IQGAP2: variants seen among roughly 807,000 people sequenced by gnomAD.
IQGAP2 encodes ras GTPase-activating-like protein IQGAP2.
A neutral mutation model predicts 201.3 loss-of-function variants in IQGAP2; 173 were observed. The ratio of observed to expected loss-of-function variants is 0.86; its 90% CI spans 0.76 to 0.98. The LOEUF is 0.98. Ranked by LOEUF, IQGAP2 falls within the 50% of genes least tolerant of loss-of-function variation. IQGAP2 has a pLI of 0.00. For missense variants in IQGAP2, 1,687 were observed against 1,864.8 expected, an observed-to-expected ratio of 0.90 and a Z score of 1.76; for synonymous variants, 675 against 673.9, an observed-to-expected ratio of 1.00 and a Z score of -0.03.
chr5:76,599,514 G>A (rs1432371402), intron 10 of IQGAP2, among the ~76,000 whole-genome samples: 1 of 151,974 alleles, frequency 6.6e-6, no homozygotes, highest in East Asian at 1.9e-4. Flanking sequence ...AGATAGAGGA[G>A]GTGAATTATA....
At chr5:76,612,203 C>A (rs1006977554) in intron 13 of IQGAP2, among the ~76,000 whole-genome samples, 3 of 152,100 alleles carry the variant, frequency 2.0e-5, no homozygotes, top group African/African-American at 7.2e-5. Context: ...TAAAATGTGA[C>A]CGGGCACAGT....
At chr5:76,610,661 A>T (rs187714870) in intron 12 of IQGAP2, among the ~76,000 whole-genome samples, 16 of 152,096 alleles carry the variant, frequency 1.1e-4, no homozygotes, top group African/African-American at 3.6e-4. Context: ...CCATCTTAAC[A>T]ATACTAAATC....
chr5:76,682,606 A>C (rs1745400159), intron 28 of IQGAP2, among the ~76,000 whole-genome samples: 1 of 152,188 alleles, frequency 6.6e-6, no homozygotes. Context: ...GGATAAGGAA[A>C]GGGGAAACCA....
intron 1 of IQGAP2, among the ~76,000 whole-genome samples, chr5:76,416,687 G>A (rs956656465): frequency 6.6e-6 from 1 of 151,968 alleles, no homozygotes; most frequent in African/African-American, 2.4e-5. Flanking sequence ...GCCACCACGC[G>A]TGGCTAATTT....
chr5:76,629,941 G>GA (rs1750562174), intron 14 of IQGAP2, among the ~76,000 whole-genome samples: 1 of 152,034 alleles, frequency 6.6e-6, no homozygotes, highest in Non-Finnish European at 1.5e-5. Flanking sequence ...CACAGATTAA[G>GA]AAAAAAAGCA....
intron 13 of IQGAP2, among the ~76,000 whole-genome samples, chr5:76,627,111 G>A (rs982657436): frequency 2.0e-5 from 3 of 152,120 alleles, no homozygotes; most frequent in South Asian, 4.2e-4. Flanking sequence ...TGGGCCCTCT[G>A]TAGAGGGCCA....
chr5:76,435,442 T>G (rs1455149550), intron 1 of IQGAP2, among the ~76,000 whole-genome samples: 1 of 152,178 alleles, frequency 6.6e-6, no homozygotes. Context: ...TTCCGATTAT[T>G]AAATAGGGTA....
At chr5:76,564,794 G>A (rs1744627345) in intron 3 of IQGAP2, among the ~76,000 whole-genome samples, 1 of 152,236 alleles carries the variant, frequency 6.6e-6, no homozygotes, top group Admixed American at 6.5e-5. Flanking sequence ...TGCCCCATCA[G>A]ATCCCTGGAA....
At chr5:76,689,474 A>G (rs1345733694) in intron 30 of IQGAP2, among the ~76,000 whole-genome samples, 1 of 152,166 alleles carries the variant, frequency 6.6e-6, no homozygotes, top group Non-Finnish European at 1.5e-5. Flanking sequence ...GCAGTTGTCA[A>G]CCTTTCATTA....
At chr5:76,434,987 A>G (rs1454744971) in intron 1 of IQGAP2, among the ~76,000 whole-genome samples, 1 of 148,494 alleles carries the variant, frequency 6.7e-6, no homozygotes. Flanking sequence ...TTTGTTGGCC[A>G]TTTTTATATT....
At chr5:76,429,829 T>A (rs1183916762) in intron 1 of IQGAP2, among the ~76,000 whole-genome samples, 1 of 148,366 alleles carries the variant, frequency 6.7e-6, no homozygotes, top group Non-Finnish European at 1.5e-5. Flanking sequence ...GGATTTGCAT[T>A]TGTATTCCAG....
rs1359031070 is a variant in IQGAP2, at chr5:76,589,090, G to A, written c.526+117G>A. On this transcript the variant is annotated intron_variant, in intron 6 of 35. Coordinates refer to ENST00000274364, the MANE Select transcript of IQGAP2 (RefSeq NM_006633.5). ...GCACTTTGGGAGGCCGAGGCGGGCG[G>A]ATCACAAGGTCAGGAGATCGAGACC... 5.6e-6 allele frequency: 3 copies of A among 533,178 alleles called. No individual in the cohort carries two copies. The African/African-American group carries it at 6.1e-5, about 11-fold the overall frequency. 33.0% of individuals were successfully genotyped at this position (533,178 alleles called of 1,614,324 possible).
intron 35 of IQGAP2, among the ~76,000 whole-genome samples, chr5:76,703,386 G>A (rs750031782): frequency 2.0e-5 from 3 of 152,032 alleles, no homozygotes; most frequent in Non-Finnish European, 4.4e-5. Context: ...AGACTACTGG[G>A]CTCAAGTGAT....
chr5:76,545,136 G>A (rs1743020939), intron 2 of IQGAP2, among the ~76,000 whole-genome samples: 1 of 152,130 alleles, frequency 6.6e-6, no homozygotes, highest in African/African-American at 2.4e-5. Flanking sequence ...TAACATGGAT[G>A]TGTATACAAT....
rs78690282 is a variant in IQGAP2, at chr5:76,514,911, C to G, written c.147-47485C>G. Among the ~76,000 whole-genome samples the G allele has an allele frequency of 2.2e-3, 330 of 152,256 alleles. 1 individual carries two copies. Among genetic ancestry groups the G allele is most frequent in the African/African-American group, 7.7e-3 (320 of 41,538 alleles). ...CAGTGTGTCTGTGTTCTCAGTCTAT[C>G]CAGAGCTCTGCTATTAGGTGAAATG... On this transcript the variant is annotated intron_variant, in intron 2 of 35. Transcript: ENST00000274364.
intron 1 of IQGAP2, among the ~76,000 whole-genome samples, chr5:76,453,515 G>A (rs957805983): frequency 6.6e-6 from 1 of 152,088 alleles, no homozygotes; most frequent in Non-Finnish European, 1.5e-5. Flanking sequence ...CTGTTCCCTT[G>A]TCTTCTAAAG....
intron 13 of IQGAP2, among the ~76,000 whole-genome samples, chr5:76,611,785 G>A (rs1284266592): frequency 6.6e-6 from 1 of 152,112 alleles, no homozygotes; most frequent in African/African-American, 2.4e-5. Flanking sequence ...AGCTTGTACC[G>A]CTATTATAAG....
intron 30 of IQGAP2, chr5:76,691,567 A>G (rs1159887639): frequency 6.6e-6 from 1 of 152,180 alleles, no homozygotes; most frequent in East Asian, 1.9e-4. Context: ...CAGCCGCTTT[A>G]GGAAACATGC....
At chr5:76,613,704 T>G (rs1748614816) in intron 13 of IQGAP2, among the ~76,000 whole-genome samples, 1 of 152,014 alleles carries the variant, frequency 6.6e-6, no homozygotes, top group Non-Finnish European at 1.5e-5. Context: ...TTAAGGTTCT[T>G]TTTTTTGTGA....
Sources: allele counts gnomAD v4.1 joint callset (sites outside exome capture counted in the v4.1 genomes callset), GRCh38; gene constraint gnomAD v4.1.1; transcripts MANE v1.5; gene names NCBI Gene and HGNC (gene_info 2026-07-23, HGNC 2026-07-21).